The following CTNNA2 variants were observed in gnomAD, a reference collection of about 807,000 sequenced individuals.
CTNNA2 encodes the protein catenin alpha-2.
Under a neutral mutation model 101.0 loss-of-function variants are expected in CTNNA2, and 42 were observed. The observed-to-expected ratio is 0.42, with a 90% CI of 0.32 to 0.54. The LOEUF is 0.54. CTNNA2 is among the 20% of genes least tolerant of loss of function. The pLI is 0.14. For missense variants in CTNNA2, 871 were observed against 1,223.1 expected, an observed-to-expected ratio of 0.71 and a Z score of 4.29; for synonymous variants, 450 against 456.4, an observed-to-expected ratio of 0.99 and a Z score of 0.18.
chr2:79,999,603 A>T (rs1445969316), intron 7 of CTNNA2, among the ~76,000 whole-genome samples: 1 of 152,194 alleles, frequency 6.6e-6, no homozygotes, highest in Non-Finnish European at 1.5e-5. Context: ...TATTTATTTA[A>T]TTCTGTAAAC....
intron 3 of CTNNA2, among the ~76,000 whole-genome samples, chr2:79,769,499 T>G (rs1280972422): frequency 6.6e-6 from 1 of 152,228 alleles, no homozygotes; most frequent in Non-Finnish European, 1.5e-5. Context: ...CTCCAGAAAC[T>G]TCTGGATTAT....
chr2:79,741,776 A>G (rs1671302146), intron 2 of CTNNA2, among the ~76,000 whole-genome samples: 1 of 152,128 alleles, frequency 6.6e-6, no homozygotes. Context: ...TAAGAATCAT[A>G]TTCTCTATAA....
At chr2:80,414,853 T>C (rs909752596) in intron 8 of CTNNA2, among the ~76,000 whole-genome samples, 1 of 152,152 alleles carries the variant, frequency 6.6e-6, no homozygotes, top group Non-Finnish European at 1.5e-5. Context: ...TTCCTCAAAC[T>C]TTATACTGTG....
intron 7 of CTNNA2, among the ~76,000 whole-genome samples, chr2:80,071,213 A>G (rs1698318663): frequency 6.6e-6 from 1 of 152,176 alleles, no homozygotes; most frequent in Admixed American, 6.5e-5. Flanking sequence ...TTATTATATC[A>G]TAGAAAGAAA....
intron 7 of CTNNA2, among the ~76,000 whole-genome samples, chr2:80,339,332 G>C (rs554744387): frequency 6.6e-6 from 1 of 152,222 alleles, no homozygotes; most frequent in African/African-American, 2.4e-5. Flanking sequence ...TTATGGCACT[G>C]ACCTAGAAAG....
intron 7 of CTNNA2, among the ~76,000 whole-genome samples, chr2:80,293,270 C>G (rs1487355941): frequency 1.3e-5 from 2 of 152,182 alleles, no homozygotes; most frequent in Non-Finnish European, 2.9e-5. Flanking sequence ...GCAGACTAAT[C>G]CAGCTCTGTG....
chr2:80,103,067 A>G (rs2148846111), intron 7 of CTNNA2, among the ~76,000 whole-genome samples: 1 of 152,136 alleles, frequency 6.6e-6, no homozygotes, highest in Admixed American at 6.5e-5. Flanking sequence ...GCACTGTCCC[A>G]CCCTGGCATT....
chr2:79,368,581 G>A (rs900470901), intron 3 of CTNNA2, among the ~76,000 whole-genome samples: 1 of 152,050 alleles, frequency 6.6e-6, no homozygotes, highest in African/African-American at 2.4e-5. Context: ...TGCTTCCCCC[G>A]AACCACCATG....
At chr2:80,153,239 G>A (rs1422852892) in intron 7 of CTNNA2, among the ~76,000 whole-genome samples, 1 of 152,184 alleles carries the variant, frequency 6.6e-6, no homozygotes, top group Non-Finnish European at 1.5e-5. Flanking sequence ...CTCTATTAGT[G>A]TCTCCAGGGG....
chr2:80,076,618 G>GTCCCTTGCA (rs1341424027), intron 7 of CTNNA2, among the ~76,000 whole-genome samples: 2 of 150,932 alleles, frequency 1.3e-5, no homozygotes, highest in Non-Finnish European at 2.9e-5. Context: ...TTGTGGAGTT[G>GTCCCTTGCA]TCCCTTGCAT....
At chr2:79,728,192 C>T (rs1686978565) in intron 2 of CTNNA2, among the ~76,000 whole-genome samples, 1 of 152,078 alleles carries the variant, frequency 6.6e-6, no homozygotes, top group Non-Finnish European at 1.5e-5. Flanking sequence ...ACAGTCCCAC[C>T]AACAGTGTAA....
chr2:79,789,768 C>CCTCA (rs1675129843), intron 3 of CTNNA2, among the ~76,000 whole-genome samples: 1 of 151,930 alleles, frequency 6.6e-6, no homozygotes, highest in Non-Finnish European at 1.5e-5. Context: ...TCCAGGGGCC[C>CCTCA]CTCATCAAGA....
At chr2:80,127,087 C>T (rs1439633723) in intron 7 of CTNNA2, among the ~76,000 whole-genome samples, 2 of 152,178 alleles carry the variant, frequency 1.3e-5, no homozygotes, top group Non-Finnish European at 2.9e-5. Flanking sequence ...GACTAGGTTG[C>T]ATTCTTTGAC....
intron 2 of CTNNA2, among the ~76,000 whole-genome samples, chr2:79,209,990 G>A (rs1203073926): frequency 4.0e-5 from 6 of 151,784 alleles, no homozygotes; most frequent in East Asian, 1.9e-4. Flanking sequence ...GGTGTGGCGG[G>A]GGTATTGGAA....
chr2:79,830,791 G>C (rs1052808969), intron 3 of CTNNA2, among the ~76,000 whole-genome samples: 20 of 152,174 alleles, frequency 1.3e-4, no homozygotes, highest in African/African-American at 4.8e-4. Flanking sequence ...ACCTGCCCAG[G>C]TTCAATCCGA....
chr2:80,576,376 T>TTTTTA (rs1695048715), intron 13 of CTNNA2: 1 of 150,854 alleles, frequency 6.6e-6, no homozygotes, highest in African/African-American at 2.4e-5. Context: ...TGAAACCATT[T>TTTTTA]TTTTTTTTTT....
chr2:79,665,541 C>T (rs1012575064), intron 2 of CTNNA2, among the ~76,000 whole-genome samples: 3 of 152,160 alleles, frequency 2.0e-5, no homozygotes, highest in Non-Finnish European at 4.4e-5. Flanking sequence ...TCTCTTGTTT[C>T]CCAGTCTCTC....
intron 7 of CTNNA2, among the ~76,000 whole-genome samples, chr2:80,169,386 A>G (rs961320343): frequency 1.3e-5 from 2 of 152,216 alleles, no homozygotes; most frequent in Non-Finnish European, 1.5e-5. Context: ...GAGAAATCCA[A>G]TCAGAATCTG....
chr2:79,577,859 T>G (rs1558744112), intron 1 of CTNNA2, among the ~76,000 whole-genome samples: 1 of 152,184 alleles, frequency 6.6e-6, no homozygotes, highest in Admixed American at 6.6e-5. Flanking sequence ...ATTCATTCCC[T>G]ATGTTTAGGA....
Sources: allele counts gnomAD v4.1 joint callset (sites outside exome capture counted in the v4.1 genomes callset), GRCh38; gene constraint gnomAD v4.1.1; transcripts MANE v1.5; gene names NCBI Gene and HGNC (gene_info 2026-07-23, HGNC 2026-07-21).